The following AKAP12 variants were observed in gnomAD, a reference collection of about 807,000 sequenced individuals.
The protein encoded by AKAP12 is A-kinase anchor protein 12.
In AKAP12, 32 loss-of-function variants were observed where a neutral mutation model predicts 79.9. The observed-to-expected ratio is 0.40, with a 90% CI of 0.30 to 0.54. AKAP12 has a LOEUF of 0.54. Ranked by LOEUF, AKAP12 falls within the 20% of genes least tolerant of loss-of-function variation. The probability of loss-of-function intolerance (pLI) is 0.48; values close to 1 mark genes in which losing one functional copy is unlikely to be tolerated. For missense variants in AKAP12, 2,074 were observed against 2,177.0 expected (o/e 0.95, Z 0.94); for synonymous variants, 808 against 857.0 (o/e 0.94, Z 1.00).
chr6:151,242,082 G>A (rs947376877), intron 2 of AKAP12, among the ~76,000 whole-genome samples: 1 of 152,138 alleles, frequency 6.6e-6, no homozygotes, highest in Non-Finnish European at 1.5e-5. Flanking sequence ...GATTCAAGTC[G>A]CATTTTAATA....
intron 2 of AKAP12, among the ~76,000 whole-genome samples, chr6:151,257,164 A>G (rs1292792860): frequency 2.0e-5 from 3 of 151,930 alleles, no homozygotes; most frequent in Non-Finnish European, 2.9e-5. Context: ...CCAGGTGCTG[A>G]GCGTAGTACC....
intron 3 of AKAP12, among the ~76,000 whole-genome samples, chr6:151,347,236 C>A (rs970355747): frequency 7.2e-5 from 11 of 152,362 alleles, no homozygotes; most frequent in Admixed American, 2.0e-4. Context: ...AAATATTCTT[C>A]ATACGTCCTC....
intron 3 of AKAP12, among the ~76,000 whole-genome samples, chr6:151,339,989 C>T (rs1042021186): frequency 7.9e-5 from 12 of 151,618 alleles, no homozygotes; most frequent in South Asian, 4.2e-4. Flanking sequence ...TGCAGTGGCG[C>T]GATCTCAGCT....
chr6:151,346,380 G>C (rs959361052), intron 3 of AKAP12, among the ~76,000 whole-genome samples: 1 of 152,190 alleles, frequency 6.6e-6, no homozygotes, highest in African/African-American at 2.4e-5. Flanking sequence ...CACCCACTAA[G>C]CTATTTGGAA....
intron 3 of AKAP12, among the ~76,000 whole-genome samples, chr6:151,347,715 G>T (rs1197909694): frequency 6.6e-6 from 1 of 152,186 alleles, no homozygotes; most frequent in Non-Finnish European, 1.5e-5. Flanking sequence ...TCGCATTAAA[G>T]AAAGTATTAA....
chr6:151,305,258 G>C lies in AKAP12; in HGVS notation c.163-489G>C, dbSNP rs191223497. Among the ~76,000 whole-genome samples, 726 of 151,390 alleles carry C rather than the reference G, an allele frequency of 4.8e-3. 3 individuals are homozygous for C. The highest frequency in any genetic ancestry group is 5.5e-3 in the Non-Finnish European group (376 of 67,926). On this transcript the variant is annotated intron_variant, in intron 2 of 4. Transcript: ENST00000402676. ...TTCTATGTATGCCTCCTTCATGACA[G>C]TTTCCACAGCTGCAGTTTAGTAATT...
At position 151,351,353 on chromosome 6, in the gene AKAP12, G is replaced by C; in HGVS notation, c.2962G>C (p.Glu988Gln). The change falls in exon 4 of 5, where the codon GAA (glutamate) becomes CAA (glutamine). Residue 988 changes from glutamate to glutamine, a missense_variant. Physicochemically the swap from Glu to Gln is conservative, Grantham distance 29 (BLOSUM62 2). Around this residue, in one of 3 missense-constraint regions of AKAP12, gnomAD observed 1,428 missense variants for 1,451.0 expected, o/e 0.98. Coordinates refer to ENST00000402676, the MANE Select transcript of AKAP12 (RefSeq NM_005100.4). This position sits in a 1 kb window ranked among gnomAD's most constrained non-coding sequence, Gnocchi z 4.4. ...AGAAACTGCAGGGCCATTGGGTGCC[G>C]AAGAAGGAACCGAAGCATCTGCTGC... ...AAETAGPLGA[E>Q]EGTEASAAEE... 1 of 1,614,220 alleles carries C rather than the reference G, an allele frequency of 6.2e-7. No individual in the cohort carries two copies.
At chr6:151,355,555 C>T (rs1007805370) in intron 4 of AKAP12, among the ~76,000 whole-genome samples, 172 bp from the exon 5 acceptor site, 19 of 152,176 alleles carry the variant, frequency 1.2e-4, no homozygotes, top group Non-Finnish European at 2.6e-4. Flanking sequence ...CCCTCCTCAG[C>T]TTCACAAAGT....
rs1462252478 is a variant in AKAP12 at position 151,325,839 on chromosome 6, GTACAGTAGTGCTACT to G, written c.319+19939_319+19953del. On this transcript the variant is annotated intron_variant, in intron 3 of 4. Transcript: ENST00000402676. ...CAGGGACCCGCTAAGCTGATCTCCT[GTACAGTAGTGCTACT>G]TAAAATATGCTGGGGACCATCACCA... 4.3e-6 allele frequency: 7 copies of G among 1,614,004 alleles called. No individual in the cohort carries two copies. In the Admixed American group the frequency reaches 8.3e-5, roughly 19 times the overall value.
chr6:151,320,128 G>C (rs1030793552), intron 3 of AKAP12, among the ~76,000 whole-genome samples: 2 of 152,038 alleles, frequency 1.3e-5, no homozygotes, highest in African/African-American at 4.8e-5. Flanking sequence ...GCCTAATATT[G>C]GTTTTAATTC....
chr6:151,242,099 G>C (rs1796988235), intron 2 of AKAP12, among the ~76,000 whole-genome samples: 1 of 152,172 alleles, frequency 6.6e-6, no homozygotes, highest in Non-Finnish European at 1.5e-5. Context: ...AATACTTACT[G>C]TATGCACATA....
intron 3 of AKAP12, among the ~76,000 whole-genome samples, chr6:151,342,036 C>G (rs950980054): frequency 6.6e-6 from 1 of 152,216 alleles, no homozygotes; most frequent in Admixed American, 6.5e-5. Context: ...AAGACTCTGG[C>G]TTGAAAGGGG....
intron 2 of AKAP12, 26 bp downstream of exon 2, chr6:151,240,750 C>G (rs1796955107): frequency 3.0e-6 from 2 of 675,702 alleles, no homozygotes; most frequent in African/African-American, 2.1e-5. Context: ...GCCACCTGCG[C>G]CGGGAGGCGC....
intron 2 of AKAP12, among the ~76,000 whole-genome samples, chr6:151,252,503 C>G (rs921388416): frequency 2.0e-5 from 3 of 151,826 alleles, no homozygotes; most frequent in African/African-American, 7.3e-5. Flanking sequence ...GCCAGAAAGT[C>G]AAGTTTTTTA....
At chr6:151,307,567 A>AGGAG (rs1489996838) in intron 3 of AKAP12, among the ~76,000 whole-genome samples, 2 of 152,198 alleles carry the variant, frequency 1.3e-5, no homozygotes, top group Non-Finnish European at 2.9e-5. Flanking sequence ...GATGTATAAG[A>AGGAG]GGAGGGAGGG....
In AKAP12 at chr6:151,348,739, C is replaced by T. The variant is rs773318827; in HGVS notation, c.348C>T (p.Ser116=). The change falls in exon 4 of 5, where the codon AGC becomes AGT. Residue 116 remains serine (S), a synonymous_variant. Coordinates refer to ENST00000402676, the MANE Select transcript of AKAP12 (RefSeq NM_005100.4). ...EVGQRDSEDV[S]KRDSDKEMAT... The stretch of plus-strand genomic sequence containing the variant: ...GACAGAGAGACTCTGAAGATGTGAG[C>T]AAAAGAGACTCCGATAAAGAGATGG... The T allele has an allele frequency of 5.6e-6, 8 of 1,436,988 alleles. No individual in the cohort carries two copies. Among genetic ancestry groups the T allele is most frequent in the Admixed American group, 2.1e-5 (1 of 47,970 alleles). The allele number at this position is 1,436,988 out of a possible 1,614,324, so 89.0% of individuals were successfully genotyped here.
intron 2 of AKAP12, chr6:151,298,916 A>G (rs911700985): frequency 2.0e-5 from 3 of 152,208 alleles, no homozygotes; most frequent in South Asian, 2.1e-4. Context: ...CTGATAACCC[A>G]CTACCATCGG....
At chr6:151,322,721 C>T (rs565059057) in intron 3 of AKAP12, among the ~76,000 whole-genome samples, 31 of 143,694 alleles carry the variant, frequency 2.2e-4, no homozygotes, top group African/African-American at 8.3e-4. Context: ...CACCCACTCC[C>T]GCCACTGGGC....
At chr6:151,317,095 C>T (rs1276630308) in intron 3 of AKAP12, among the ~76,000 whole-genome samples, 3 of 152,150 alleles carry the variant, frequency 2.0e-5, no homozygotes, top group Non-Finnish European at 4.4e-5. Context: ...CTCATAACAC[C>T]GCCTCCATGA....
Sources: gnomAD v4.1 joint callset for allele counts (sites outside exome capture counted in the v4.1 genomes callset) on GRCh38, gnomAD v4.1.1 for gene constraint, gnomAD v4.1.1 regional missense constraint, Gnocchi (gnomAD v3.1) non-coding constraint, MANE v1.5 for transcripts, NCBI Gene and HGNC (gene_info 2026-07-23, HGNC 2026-07-21) for gene names.